CHRM3: variants seen among roughly 807,000 people sequenced by gnomAD.
CHRM3 encodes the protein cholinergic receptor muscarinic 3.
In CHRM3, 11 loss-of-function variants were observed where a neutral mutation model predicts 41.8. The ratio of observed to expected loss-of-function variants is 0.26; its 90% CI spans 0.17 to 0.44. The LOEUF (loss-of-function observed/expected upper bound fraction) is 0.44, where lower values mean the gene tolerates loss of function less well. CHRM3 is among the 20% of genes least tolerant of loss of function. The pLI, the probability that CHRM3 is intolerant of heterozygous loss-of-function variation, is 1.00. For synonymous variants in CHRM3, 297 were observed against 301.4 expected (o/e 0.99, Z 0.15); for missense variants, 571 against 745.4 (o/e 0.77, Z 2.72).
chr1:239,536,985 G>A (rs1005634253), intron 2 of CHRM3, among the ~76,000 whole-genome samples: 5 of 151,798 alleles, frequency 3.3e-5, no homozygotes, highest in African/African-American at 1.2e-4. Flanking sequence ...TTCTTTCCTT[G>A]GCTTCAAAGT....
At chr1:239,806,000 T>C (rs183289271) in intron 5 of CHRM3, among the ~76,000 whole-genome samples, 1 of 152,286 alleles carries the variant, frequency 6.6e-6, no homozygotes, top group African/African-American at 2.4e-5. Context: ...TGGAGCTTGA[T>C]TCTGCATTTT....
rs1463934322 is a variant in CHRM3, at chr1:239,670,105, C to CAATA, written c.-249-8079_-249-8076dup. On this transcript the variant is annotated intron_variant, in intron 4 of 6. Transcript: ENST00000676153. ...ACTATATTAAGGCATAATACATGTG[C>CAATA]AATAACAAGCGCTCATCTTTAGTGT... Among the ~76,000 whole-genome samples, 20 of 152,280 alleles carry CAATA rather than the reference C, an allele frequency of 1.3e-4. 1 individual carries two copies. Among genetic ancestry groups the CAATA allele is most frequent in the African/African-American group, 4.8e-4 (20 of 41,564 alleles).
intron 4 of CHRM3, among the ~76,000 whole-genome samples, chr1:239,647,703 A>G (rs570524796): frequency 1.3e-5 from 2 of 152,314 alleles, no homozygotes; most frequent in African/African-American, 4.8e-5. Flanking sequence ...CAAAACCAGA[A>G]TAGCAAAACT....
At chr1:239,790,940 G>A (rs1345131174) in intron 5 of CHRM3, among the ~76,000 whole-genome samples, 1 of 150,700 alleles carries the variant, frequency 6.6e-6, no homozygotes, top group East Asian at 2.0e-4. Context: ...GAAAAAGCAT[G>A]ATAAAATTTA....
intron 2 of CHRM3, among the ~76,000 whole-genome samples, chr1:239,525,055 A>C (rs1196999537): frequency 1.3e-5 from 2 of 152,172 alleles, no homozygotes; most frequent in East Asian, 3.8e-4. Context: ...TTGTTATACA[A>C]ATTTTCATGT....
intron 3 of CHRM3, among the ~76,000 whole-genome samples, chr1:239,582,506 C>T (rs955722360): frequency 6.6e-6 from 1 of 152,078 alleles, no homozygotes; most frequent in Non-Finnish European, 1.5e-5. Flanking sequence ...AGCCCCTATG[C>T]TCATGGGTCT....
chr1:239,904,653 G>A (rs1572650163), intron 6 of CHRM3, among the ~76,000 whole-genome samples: 1 of 152,286 alleles, frequency 6.6e-6, no homozygotes, highest in East Asian at 1.9e-4. Flanking sequence ...TGAGAGTTAA[G>A]TGTAAGTTGA....
chr1:239,639,593 T>C (rs1353028686), intron 4 of CHRM3, among the ~76,000 whole-genome samples: 4 of 151,732 alleles, frequency 2.6e-5, no homozygotes, highest in Admixed American at 2.6e-4. Flanking sequence ...AGAATGCTTG[T>C]GATTTTTGTA....
chr1:239,400,097 T>G (rs190434661), intron 1 of CHRM3, among the ~76,000 whole-genome samples: 2 of 151,974 alleles, frequency 1.3e-5, no homozygotes, highest in Non-Finnish European at 2.9e-5. Flanking sequence ...TTATGATAGA[T>G]AGGGTTTCGC....
At chr1:239,605,319 T>C (rs1480297663) in intron 3 of CHRM3, among the ~76,000 whole-genome samples, 1 of 152,236 alleles carries the variant, frequency 6.6e-6, no homozygotes, top group Admixed American at 6.5e-5. Flanking sequence ...TAATACTTAC[T>C]ATTGTGTAAC....
intron 5 of CHRM3, among the ~76,000 whole-genome samples, chr1:239,739,852 G>A (rs1664691198): frequency 6.6e-6 from 1 of 151,960 alleles, no homozygotes; most frequent in Non-Finnish European, 1.5e-5. Context: ...CTGGCTGATG[G>A]GCCCTTCACA....
In CHRM3 at chr1:239,761,280, A is replaced by G. The variant is rs148275333; in HGVS notation, c.-146-65972A>G. On this transcript the variant is annotated intron_variant, in intron 5 of 6. Coordinates refer to ENST00000676153, the MANE Select transcript of CHRM3 (RefSeq NM_001375978.1). ...ATTTTCCTTATCATGTTTGTGCTTT[A>G]CCTTCTTCAACATAGAGAGAGATTG... is the stretch of plus-strand genomic sequence containing the variant. Among the ~76,000 whole-genome samples, 24 of 152,166 alleles carry G rather than the reference A, an allele frequency of 1.6e-4. No homozygotes were observed. In the East Asian group the frequency reaches 3.3e-3, roughly 21 times the overall value.
chr1:239,627,071 C>T (rs1283835562), intron 3 of CHRM3, among the ~76,000 whole-genome samples: 2 of 132,616 alleles, frequency 1.5e-5, no homozygotes, highest in East Asian at 2.2e-4. Context: ...GACTTTCTGT[C>T]TCGTTGATCT....
At position 239,679,981 on chromosome 1, in the gene CHRM3, T is replaced by C. The variant is rs116582089; in HGVS notation, c.-147+1693T>C. On this transcript the variant is annotated intron_variant, in intron 5 of 6. Transcript: ENST00000676153. ...CCGCAGAAGATTAAATCAACACCTC[T>C]CAGGGTGGACCGCGGGCTTCAGAAT... Among the ~76,000 whole-genome samples, 525 of 152,164 alleles carry C rather than the reference T, an allele frequency of 3.5e-3. 6 individuals carry two copies. The highest frequency in any genetic ancestry group is 0.012 in the African/African-American group (496 of 41,532).
At chr1:239,760,477 C>T (rs1172447948) in intron 5 of CHRM3, among the ~76,000 whole-genome samples, 1 of 149,402 alleles carries the variant, frequency 6.7e-6, no homozygotes, top group Non-Finnish European at 1.5e-5. Context: ...CTTGCCTGTT[C>T]GTCTACCTTT....
rs143763462 is a variant in CHRM3, at chr1:239,875,729, G to A, written c.-19-31704G>A. On this transcript the variant is annotated intron_variant, in intron 6 of 6. Transcript: ENST00000676153. ...CACATTGTTGGTCTTCAATACTGGT[G>A]TTCGATTTAGCATGTTGGGGTAATG... Among the ~76,000 whole-genome samples the A allele has an allele frequency of 1.2e-4, 19 of 152,300 alleles. 1 individual carries two copies. Among genetic ancestry groups the A allele is most frequent in the African/African-American group, 4.6e-4 (19 of 41,554 alleles).
intron 6 of CHRM3, among the ~76,000 whole-genome samples, chr1:239,899,017 T>C (rs918280077): frequency 3.3e-5 from 5 of 152,208 alleles, no homozygotes; most frequent in Middle Eastern, 3.2e-3. Context: ...CACCCTCTTC[T>C]TTTAAATATT....
chr1:239,422,257 G>A (rs996072306), intron 1 of CHRM3, among the ~76,000 whole-genome samples: 2 of 152,162 alleles, frequency 1.3e-5, no homozygotes, highest in African/African-American at 4.8e-5. Flanking sequence ...CTTTAGCTGA[G>A]GGTTGAGAGT....
chr1:239,845,704 A>G (rs1381171162), intron 6 of CHRM3, among the ~76,000 whole-genome samples: 3 of 152,270 alleles, frequency 2.0e-5, no homozygotes, highest in African/African-American at 7.2e-5. Flanking sequence ...GAAACAACTT[A>G]GTAAATCTAA....
Sources: gnomAD v4.1 joint callset for allele counts (sites outside exome capture counted in the v4.1 genomes callset) on GRCh38, gnomAD v4.1.1 for gene constraint, MANE v1.5 for transcripts, NCBI Gene and HGNC (gene_info 2026-07-23, HGNC 2026-07-21) for gene names.